CFAP100: variants seen among roughly 807,000 people sequenced by gnomAD.
CFAP100 encodes the protein cilia and flagella associated protein 100, also known as cilia- and flagella-associated protein 100.
Under a neutral mutation model 81.5 loss-of-function variants are expected in CFAP100, and 70 were observed. The observed-to-expected ratio is 0.86, with a 90% confidence interval of 0.71 to 1.05. CFAP100 has a LOEUF of 1.05. CFAP100 is among the 50% of genes least tolerant of loss of function. CFAP100 has a pLI of 0.00. For synonymous variants in CFAP100, 341 were observed against 314.8 expected, an observed-to-expected ratio of 1.08 and a Z score of -0.88; for missense variants, 811 against 776.5, an observed-to-expected ratio of 1.04 and a Z score of -0.53.
intron 13 of CFAP100, among the ~76,000 whole-genome samples, chr3:126,427,598 T>C (rs140716385): frequency 7.4e-4 from 113 of 152,328 alleles, no homozygotes; most frequent in Admixed American, 1.6e-3. Flanking sequence ...CTAGATCATA[T>C]AGTACAAGTA....
chr3:126,407,124 T>G (rs532980972), intron 2 of CFAP100, 48 bp from the exon 3 acceptor site: 1 of 1,353,596 alleles, frequency 7.4e-7, no homozygotes, highest in Non-Finnish European at 1.1e-6. Context: ...ACAGTTCTCA[T>G]GGGCCAGGGG....
At position 126,433,120 on chromosome 3, in the gene CFAP100, C is replaced by A; in HGVS notation, c.1338C>A (p.Ser446=). The part of the protein sequence containing the change: ...LKQWVTTMMM[S]ITKEEDTAAE... ...AGTGGGTCACCACAATGATGATGTC[C>A]ATCACCAAGGAGGAGGACACAGCAG... The change falls in exon 14 of 17, where the codon TCC becomes TCA. Residue 446 remains serine, a synonymous_variant. Transcript: ENST00000352312. The A allele has an allele frequency of 6.2e-7, 1 of 1,614,244 alleles. No homozygotes were observed. The highest frequency in any genetic ancestry group is 8.5e-7 in the Non-Finnish European group (1 of 1,180,050).
At chr3:126,420,787 TG>T (rs2083318748) in intron 11 of CFAP100, 1 of 153,432 alleles carries the variant, frequency 6.5e-6, no homozygotes, top group Admixed American at 6.5e-5. Context: ...GTGGGTGAGG[TG>T]GTCTCATATG....
intron 8 of CFAP100, 77 bp from the exon 9 acceptor site, chr3:126,419,560 G>T: frequency 7.4e-7 from 1 of 1,358,420 alleles, no homozygotes; most frequent in Non-Finnish European, 1.0e-6. Flanking sequence ...GGATGGAGGG[G>T]TGGCCCCGGC....
chr3:126,427,380 G>T (rs1458479650), intron 13 of CFAP100, among the ~76,000 whole-genome samples: 1 of 152,220 alleles, frequency 6.6e-6, no homozygotes. Context: ...GGTAATAAAT[G>T]CATGTTATGT....
At chr3:126,417,751 G>C (rs2083266228) in intron 5 of CFAP100, among the ~76,000 whole-genome samples, 2 of 152,248 alleles carry the variant, frequency 1.3e-5, no homozygotes, top group African/African-American at 4.8e-5. Flanking sequence ...TCTGGGAACA[G>C]AGCTCTTGCA....
At chr3:126,414,664 G>A (rs1434400926) in intron 4 of CFAP100, among the ~76,000 whole-genome samples, 1 of 152,222 alleles carries the variant, frequency 6.6e-6, no homozygotes, top group Non-Finnish European at 1.5e-5. Context: ...GCTCCTCCGG[G>A]TGCCTAGGAT....
At chr3:126,436,056 G>A (rs1421228734) in intron 16 of CFAP100, among the ~76,000 whole-genome samples, 1 of 152,222 alleles carries the variant, frequency 6.6e-6, no homozygotes, top group Non-Finnish European at 1.5e-5. Flanking sequence ...CAGGAAGCAG[G>A]TCCCTCTGCC....
At chr3:126,429,671 A>C (rs1027038717) in intron 13 of CFAP100, among the ~76,000 whole-genome samples, 1 of 149,430 alleles carries the variant, frequency 6.7e-6, no homozygotes, top group African/African-American at 2.5e-5. Context: ...ATCTTATAAT[A>C]GTCTATTTCA....
rs2083369145 is a variant in CFAP100 at position 126,423,661 on chromosome 3, G to T, written c.1286+17G>T. On this transcript the variant is annotated intron_variant, in intron 13 of 16. Coordinates refer to ENST00000352312, the MANE Select transcript of CFAP100 (RefSeq NM_182628.3). ...GATCCGCATGTAGGTGCTATGCGGT[G>T]GCCAGTGGGGGCTCCCTGCCGCTCT... is the stretch of plus-strand genomic sequence containing the variant. The T allele has an allele frequency of 2.7e-5, 43 of 1,613,566 alleles. No homozygotes were observed. Among genetic ancestry groups the T allele is most frequent in the Non-Finnish European group, 3.6e-5 (43 of 1,179,598 alleles).
intron 13 of CFAP100, among the ~76,000 whole-genome samples, chr3:126,429,143 T>C (rs1018841918): frequency 3.3e-5 from 5 of 150,342 alleles, no homozygotes; most frequent in Admixed American, 6.6e-5. Flanking sequence ...AAGAAAGGAT[T>C]ACTGTTAATT....
rs993583490 is a variant in CFAP100, at chr3:126,419,037, C to G, written c.651-39C>G. ...CTCTTTAATAGGCTGCCACTGGCCC[C>G]TTGCCCCCATCCCTCCTCCCCCGCC... On this transcript the variant is annotated intron_variant, in intron 7 of 16. Transcript: ENST00000352312. 3.0e-6 allele frequency: 3 copies of G among 991,406 alleles called. No homozygotes were observed. The African/African-American group carries it at 4.9e-5, about 16-fold the overall frequency. The allele number at this position is 991,406 out of a possible 1,614,324, so 61.4% of individuals were successfully genotyped here.
rs186443010 is a variant in CFAP100 at position 126,400,646 on chromosome 3, G to A, written c.49+4597G>A. 1.8e-3 allele frequency among the ~76,000 whole-genome samples: 277 copies of A among 152,260 alleles called. 3 individuals are homozygous for A. Among genetic ancestry groups the A allele is most frequent in the Non-Finnish European group, 3.5e-3 (237 of 68,012 alleles). On this transcript the variant is annotated intron_variant, in intron 2 of 16. Transcript: ENST00000352312. ...GGGCACCTGTAGTCCCAACTACTCCGGAGGCTGAGGCAGGAGAATGGCGTG... is the reference window on the plus strand; with the variant it reads ...GGGCACCTGTAGTCCCAACTACTCCAGAGGCTGAGGCAGGAGAATGGCGTG...
chr3:126,416,295 G>A (rs773232567), intron 4 of CFAP100, 21 bp from the exon 5 acceptor site: 57 of 1,571,184 alleles, frequency 3.6e-5, no homozygotes, highest in Non-Finnish European at 4.7e-5. Context: ...GGCCCCGCCC[G>A]ACTTGGCCCG....
At chr3:126,423,228 G>C in intron 11 of CFAP100, 97 bp from the exon 12 acceptor site, 1 of 969,934 alleles carries the variant, frequency 1.0e-6, no homozygotes, top group Non-Finnish European at 1.5e-6. Context: ...GGAGGGATGG[G>C]GATGCTGCCA....
intron 2 of CFAP100, among the ~76,000 whole-genome samples, 180 bp downstream of exon 2, chr3:126,396,229 C>A (rs1163011322): frequency 6.6e-6 from 1 of 152,190 alleles, no homozygotes; most frequent in Admixed American, 6.5e-5. Flanking sequence ...AGCACCACCA[C>A]AAACTGGGGG....
At chr3:126,412,997 G>A (rs1336996638) in intron 3 of CFAP100, among the ~76,000 whole-genome samples, 6 of 152,238 alleles carry the variant, frequency 3.9e-5, no homozygotes, top group African/African-American at 7.2e-5. Flanking sequence ...GGGATGGGCC[G>A]CCCATGCGTG....
At chr3:126,433,491 G>A (rs879626896) in intron 14 of CFAP100, 17 of 370,564 alleles carry the variant, frequency 4.6e-5, no homozygotes, top group Non-Finnish European at 8.0e-5. Context: ...CTGAAGGGGG[G>A]GAAGAGGCGT....
intron 2 of CFAP100, among the ~76,000 whole-genome samples, chr3:126,398,391 A>G (rs2082922150): frequency 6.6e-6 from 1 of 152,140 alleles, no homozygotes; most frequent in Non-Finnish European, 1.5e-5. Flanking sequence ...GGCCAAATAT[A>G]TTTCCCAAGA....
Sources: allele counts gnomAD v4.1 joint callset (sites outside exome capture counted in the v4.1 genomes callset), GRCh38; gene constraint gnomAD v4.1.1; transcripts MANE v1.5; gene names NCBI Gene and HGNC (gene_info 2026-07-23, HGNC 2026-07-21).